Variants in AKT3 observed in about 807,000 individuals in gnomAD.
AKT3 encodes AKT serine/threonine kinase 3.
Under a neutral mutation model 65.3 loss-of-function variants are expected in AKT3, and 15 were observed. The ratio of observed to expected loss-of-function variants is 0.23; its 90% CI spans 0.15 to 0.35. The LOEUF is 0.35. AKT3 is among the 10% of genes least tolerant of loss of function. AKT3 has a pLI of 1.00. For synonymous variants in AKT3, 206 were observed against 183.8 expected, an observed-to-expected ratio of 1.12 and a Z score of -0.98; for missense variants, 243 against 576.5, an observed-to-expected ratio of 0.42 and a Z score of 5.92.
intron 2 of AKT3, among the ~76,000 whole-genome samples, chr1:243,778,995 T>C (rs1690738833): frequency 6.6e-6 from 1 of 152,124 alleles, no homozygotes; most frequent in African/African-American, 2.4e-5. Flanking sequence ...ATTGTATTGC[T>C]GTACCATGAT....
rs768348830 is a variant in AKT3, at chr1:243,637,793, T to C, written c.430-51A>G. 6.8e-6 allele frequency: 9 copies of C among 1,330,224 alleles called. No individual in the cohort carries two copies. The South Asian group carries it at 1.2e-4, about 18-fold the overall frequency. The allele number at this position is 1,330,224 out of a possible 1,614,324, so 82.4% of individuals were successfully genotyped here. On this transcript the variant is annotated intron_variant, in intron 5 of 13. Transcript: ENST00000673466. ...AATATGAAGTATTTGATGCAATTTATTTGTTAGCATATATATATGTGTTTG... is the reference window on the plus strand; with the variant it reads ...AATATGAAGTATTTGATGCAATTTACTTGTTAGCATATATATATGTGTTTG...
intron 11 of AKT3, among the ~76,000 whole-genome samples, chr1:243,552,328 T>C (rs1191886341): frequency 1.5e-5 from 2 of 137,658 alleles, no homozygotes; most frequent in Admixed American, 1.5e-4. Flanking sequence ...CAATTAGATA[T>C]GTTAACACAG....
At position 243,698,331 on chromosome 1, in the gene AKT3, T is replaced by C. The variant is rs970189481; in HGVS notation, c.47-2615A>G. Among the ~76,000 whole-genome samples, 3 of 152,018 alleles carry C rather than the reference T, an allele frequency of 2.0e-5. 1 individual carries two copies. Among genetic ancestry groups the C allele is most frequent in the Admixed American group, 2.0e-4 (3 of 15,252 alleles). ...AAAAATAAAATGAATCAGATCCATTTGAAAAATACAAAAGAAAACACGGAA... is the reference window on the plus strand; with the variant it reads ...AAAAATAAAATGAATCAGATCCATTCGAAAAATACAAAAGAAAACACGGAA... On this transcript the variant is annotated intron_variant, in intron 2 of 13. Coordinates refer to ENST00000673466, the MANE Select transcript of AKT3 (RefSeq NM_005465.7).
chr1:243,788,442 G>A (rs797006204), intron 2 of AKT3, among the ~76,000 whole-genome samples: 2 of 152,138 alleles, frequency 1.3e-5, no homozygotes, highest in Non-Finnish European at 1.5e-5. Context: ...TCGTGGGGGG[G>A]ACTGATTCCG....
intron 6 of AKT3, among the ~76,000 whole-genome samples, chr1:243,633,813 A>G (rs552908779): frequency 3.9e-5 from 6 of 152,230 alleles, no homozygotes; most frequent in African/African-American, 1.4e-4. Flanking sequence ...AATGGACTAA[A>G]CTCTCCAATC....
At chr1:243,542,906 G>A (rs1672415319) in intron 12 of AKT3, among the ~76,000 whole-genome samples, 1 of 152,068 alleles carries the variant, frequency 6.6e-6, no homozygotes, top group Non-Finnish European at 1.5e-5. Flanking sequence ...GAGCCTCGCG[G>A]GTCACACAGG....
chr1:243,562,312 T>C (rs61833178), intron 10 of AKT3, among the ~76,000 whole-genome samples: 211 of 152,258 alleles, frequency 1.4e-3, no homozygotes, highest in Non-Finnish European at 2.0e-3. Flanking sequence ...AGTGGTTGCC[T>C]GTGGCGGAAG....
chr1:243,601,753 G>C (rs954076580), intron 8 of AKT3, among the ~76,000 whole-genome samples: 9 of 152,136 alleles, frequency 5.9e-5, no homozygotes, highest in Non-Finnish European at 8.8e-5. Context: ...CTGATATATG[G>C]AACAGTATCT....
intron 2 of AKT3, among the ~76,000 whole-genome samples, chr1:243,752,524 A>G (rs1688870322): frequency 6.6e-6 from 1 of 152,258 alleles, no homozygotes; most frequent in South Asian, 2.1e-4. Flanking sequence ...CTTATTAAGC[A>G]TTAATCACTT....
intron 1 of AKT3, among the ~76,000 whole-genome samples, chr1:243,845,900 A>G (rs1695500153): frequency 6.6e-6 from 1 of 152,134 alleles, no homozygotes; most frequent in African/African-American, 2.4e-5. Flanking sequence ...TGCCCCACCC[A>G]GAGTGATGCT....
At chr1:243,760,468 C>T (rs1403542010) in intron 2 of AKT3, among the ~76,000 whole-genome samples, 1 of 151,944 alleles carries the variant, frequency 6.6e-6, no homozygotes, top group Non-Finnish European at 1.5e-5. Flanking sequence ...ATACTATGCC[C>T]AGCTAACATA....
chr1:243,788,778 G>C (rs921028280), intron 2 of AKT3: 1 of 152,494 alleles, frequency 6.6e-6, no homozygotes, highest in African/African-American at 2.4e-5. Context: ...GATGGCTGCT[G>C]ACTGATTGGG....
intron 4 of AKT3, among the ~76,000 whole-genome samples, chr1:243,662,848 G>A (rs1015434134): frequency 6.6e-6 from 1 of 152,106 alleles, no homozygotes; most frequent in Non-Finnish European, 1.5e-5. Flanking sequence ...TATTAATACT[G>A]TTTTTTCTTA....
At chr1:243,843,450 C>T in intron 1 of AKT3, 168 bp from the exon 2 acceptor site, 1 of 1,073,382 alleles carries the variant, frequency 9.3e-7, no homozygotes, top group Non-Finnish European at 1.2e-6. Context: ...AATGAAAGCA[C>T]TTCCCTAGTC....
intron 2 of AKT3, among the ~76,000 whole-genome samples, chr1:243,811,456 C>A (rs1052480095): frequency 2.6e-5 from 4 of 152,168 alleles, no homozygotes; most frequent in African/African-American, 9.7e-5. Context: ...AGGAATCCAA[C>A]TTACAAGGGA....
intron 9 of AKT3, among the ~76,000 whole-genome samples, chr1:243,567,908 G>T (rs996570468): frequency 2.0e-5 from 3 of 152,090 alleles, no homozygotes; most frequent in African/African-American, 7.2e-5. Flanking sequence ...AGGGTGATTC[G>T]TAAACCTGCA....
chr1:243,546,422 C>T (rs1027089702), intron 11 of AKT3, among the ~76,000 whole-genome samples: 1 of 151,530 alleles, frequency 6.6e-6, no homozygotes, highest in Non-Finnish European at 1.5e-5. Flanking sequence ...ATAGGAAGAA[C>T]AGGAGGAAAA....
chr1:243,662,491 G>A (rs1331288937), intron 4 of AKT3, among the ~76,000 whole-genome samples: 3 of 146,204 alleles, frequency 2.1e-5, no homozygotes, highest in Non-Finnish European at 4.5e-5. Context: ...TCACTCATAG[G>A]TGGGAACTGA....
At chr1:243,715,844 A>G (rs1225322260) in intron 2 of AKT3, among the ~76,000 whole-genome samples, 1 of 152,104 alleles carries the variant, frequency 6.6e-6, no homozygotes, top group Admixed American at 6.6e-5. Context: ...CAAGTTGAGG[A>G]TATGTGTGTA....
Sources: allele counts gnomAD v4.1 joint callset (sites outside exome capture counted in the v4.1 genomes callset), GRCh38; gene constraint gnomAD v4.1.1; transcripts MANE v1.5; gene names NCBI Gene and HGNC (gene_info 2026-07-23, HGNC 2026-07-21).